The following CDH12 variants were observed in gnomAD, a reference collection of about 807,000 sequenced individuals.
CDH12 encodes cadherin 12, also known as cadherin-12.
CDH12 carries 41 observed loss-of-function variants against 74.1 expected under a neutral mutation model. The observed-to-expected ratio is 0.55, with a 90% CI of 0.43 to 0.72. The LOEUF (loss-of-function observed/expected upper bound fraction) is 0.72, where lower values mean the gene tolerates loss of function less well. Among genes scored for constraint, CDH12 ranks in the 30% least tolerant of loss-of-function variants. The probability of loss-of-function intolerance (pLI) is 0.00; values close to 1 mark genes in which losing one functional copy is unlikely to be tolerated. For missense variants in CDH12, 945 were observed against 977.2 expected (o/e 0.97, Z 0.44); for synonymous variants, 399 against 355.0 (o/e 1.12, Z -1.39).
intron 5 of CDH12, among the ~76,000 whole-genome samples, chr5:22,036,872 C>T (rs1441946507): frequency 6.6e-6 from 1 of 152,118 alleles, no homozygotes; most frequent in Non-Finnish European, 1.5e-5. Flanking sequence ...TGATTTAATA[C>T]AGTTATTTTT....
At chr5:22,832,117 G>A (rs1484028724) in intron 1 of CDH12, among the ~76,000 whole-genome samples, 1 of 152,052 alleles carries the variant, frequency 6.6e-6, no homozygotes, top group African/African-American at 2.4e-5. Flanking sequence ...AAAAGGATGG[G>A]CTTTGGCATC....
chr5:22,723,985 A>G (rs1228279296), intron 1 of CDH12, among the ~76,000 whole-genome samples: 1 of 151,826 alleles, frequency 6.6e-6, no homozygotes, highest in African/African-American at 2.4e-5. Flanking sequence ...TTAATACGTG[A>G]TACCGTTTTC....
At chr5:22,645,907 A>T (rs1300023528) in intron 1 of CDH12, among the ~76,000 whole-genome samples, 1 of 151,952 alleles carries the variant, frequency 6.6e-6, no homozygotes, top group Non-Finnish European at 1.5e-5. Flanking sequence ...ATACTATTGC[A>T]TACATAATAA....
intron 1 of CDH12, among the ~76,000 whole-genome samples, chr5:22,644,756 G>A (rs1315089763): frequency 2.6e-5 from 4 of 151,940 alleles, no homozygotes; most frequent in Non-Finnish European, 5.9e-5. Flanking sequence ...TCAAAGCCTG[G>A]ATTCAGAGCT....
intron 2 of CDH12, among the ~76,000 whole-genome samples, chr5:22,411,799 T>A (rs1743181578): frequency 6.6e-6 from 1 of 151,998 alleles, no homozygotes. Context: ...CGGAAAATAA[T>A]CATTTTAGAG....
intron 1 of CDH12, among the ~76,000 whole-genome samples, chr5:22,569,114 A>T (rs998137123): frequency 3.3e-5 from 5 of 152,200 alleles, no homozygotes; most frequent in Non-Finnish European, 7.3e-5. Context: ...TCCACAGTAG[A>T]ACTTCTTTCA....
intron 1 of CDH12, among the ~76,000 whole-genome samples, chr5:22,849,487 A>G (rs1737452769): frequency 6.6e-6 from 1 of 152,162 alleles, no homozygotes; most frequent in Non-Finnish European, 1.5e-5. Context: ...TTTGCCGGTA[A>G]GTCTAAATAC....
chr5:22,645,233 A>G (rs1370256832), intron 1 of CDH12, among the ~76,000 whole-genome samples: 2 of 152,140 alleles, frequency 1.3e-5, no homozygotes, highest in African/African-American at 2.4e-5. Context: ...AATGCCATCA[A>G]GAATATTCAT....
chr5:22,306,278 A>G (rs1005958474), intron 3 of CDH12, among the ~76,000 whole-genome samples: 2 of 152,158 alleles, frequency 1.3e-5, no homozygotes, highest in Non-Finnish European at 2.9e-5. Context: ...GCACAATTCT[A>G]GTGAAGTGCC....
intron 1 of CDH12, among the ~76,000 whole-genome samples, chr5:22,619,742 A>C (rs76669496): frequency 2.0e-5 from 3 of 151,822 alleles, no homozygotes; most frequent in Non-Finnish European, 4.4e-5. Context: ...AAAAAAAAAA[A>C]GTCTCCACTG....
intron 1 of CDH12, among the ~76,000 whole-genome samples, chr5:22,723,345 A>G (rs1685222): frequency 0.84 from 127,490 of 152,102 alleles, 53,523 homozygotes; most frequent in Non-Finnish European, 0.86. Flanking sequence ...AAAGTATAAC[A>G]TAAGATTTTC....
intron 2 of CDH12, among the ~76,000 whole-genome samples, chr5:22,423,818 AC>A (rs1367553325): frequency 1.3e-5 from 2 of 151,858 alleles, no homozygotes; most frequent in Non-Finnish European, 2.9e-5. Flanking sequence ...CCTGGCTAAC[AC>A]GGTGAAACCC....
rs543739529 is a variant in CDH12, at chr5:22,287,495, C to T, written c.-332-74852G>A. The stretch of plus-strand genomic sequence containing the variant: ...ATCCCAGCACTTTGGGAGGCCGAGG[C>T]GGGCGGATCACAAGGTCAGGAGATC... On this transcript the variant is annotated intron_variant, in intron 3 of 14. Transcript: ENST00000382254. 3.9e-3 allele frequency among the ~76,000 whole-genome samples: 600 copies of T among 151,924 alleles called. 1 individual carries two copies. Among genetic ancestry groups the T allele is most frequent in the African/African-American group, 0.013 (554 of 41,476 alleles).
intron 1 of CDH12, among the ~76,000 whole-genome samples, chr5:22,669,976 CTTAA>C (rs1196500980): frequency 1.3e-5 from 2 of 152,122 alleles, no homozygotes; most frequent in East Asian, 1.9e-4. Context: ...GATTTTCACT[CTTAA>C]TTAAGCCATT....
intron 1 of CDH12, among the ~76,000 whole-genome samples, chr5:22,559,036 C>G (rs1738928326): frequency 6.6e-6 from 1 of 152,116 alleles, no homozygotes; most frequent in Admixed American, 6.6e-5. Flanking sequence ...GCCTCCTTTT[C>G]TATCTACTCC....
intron 4 of CDH12, among the ~76,000 whole-genome samples, chr5:22,165,233 A>G (rs557774724): frequency 6.6e-6 from 1 of 152,260 alleles, no homozygotes; most frequent in Non-Finnish European, 1.5e-5. Flanking sequence ...GAAAGCCCCA[A>G]GTGATCAGTT....
chr5:22,118,611 A>G (rs1745313007), intron 4 of CDH12, among the ~76,000 whole-genome samples: 1 of 152,096 alleles, frequency 6.6e-6, no homozygotes. Context: ...GAAAAAGTGC[A>G]TAGAATTTTT....
intron 1 of CDH12, among the ~76,000 whole-genome samples, chr5:22,684,488 A>G (rs1246540732): frequency 6.6e-6 from 1 of 152,226 alleles, no homozygotes; most frequent in African/African-American, 2.4e-5. Context: ...TTGTGAGCAC[A>G]GCCATTCAAA....
intron 7 of CDH12, among the ~76,000 whole-genome samples, chr5:21,849,380 C>G (rs1266500044): frequency 6.6e-6 from 1 of 151,746 alleles, no homozygotes. Flanking sequence ...TGAAGTCTGA[C>G]AATGCAGAAT....
Sources: allele counts gnomAD v4.1 joint callset (sites outside exome capture counted in the v4.1 genomes callset), GRCh38; gene constraint gnomAD v4.1.1; transcripts MANE v1.5; gene names NCBI Gene and HGNC (gene_info 2026-07-23, HGNC 2026-07-21).